The following UBXN10 variants were observed in gnomAD, a reference collection of about 807,000 sequenced individuals.
UBXN10 encodes UBX domain-containing protein 10.
Under a neutral mutation model 6.9 loss-of-function variants are expected in UBXN10, and 6 were observed. The observed-to-expected ratio is 0.87, with a 90% CI of 0.48 to 1.72. The LOEUF is 1.72. Among genes scored for constraint, UBXN10 ranks in the 40% most tolerant of loss-of-function variants. The probability of loss-of-function intolerance (pLI) is 0.01; values close to 1 mark genes in which losing one functional copy is unlikely to be tolerated. For missense variants in UBXN10, 317 were observed against 348.4 expected, an observed-to-expected ratio of 0.91 and a Z score of 0.72; for synonymous variants, 131 against 135.2, an observed-to-expected ratio of 0.97 and a Z score of 0.21.
chr1:20,189,162 G>A (rs1366044490), intron 1 of UBXN10, among the ~76,000 whole-genome samples: 1 of 152,110 alleles, frequency 6.6e-6, no homozygotes, highest in Non-Finnish European at 1.5e-5. Flanking sequence ...CACACTTTGT[G>A]ACACCTGGTC....
chr1:20,191,069 G>A lies in UBXN10; in HGVS notation c.508G>A (p.Val170Met), dbSNP rs200510194. 179 of 1,614,106 alleles carry A rather than the reference G, an allele frequency of 1.1e-4. No individual in the cohort carries two copies. The highest frequency in any genetic ancestry group is 7.4e-4 in the East Asian group (33 of 44,866). The change falls in exon 2 of 2, where the codon GTG (valine) becomes ATG (methionine). Residue 170 changes from valine to methionine, a missense_variant. Physicochemically the swap from Val to Met is conservative, Grantham distance 21. Transcript: ENST00000375099. This position sits in a 1 kb window ranked among gnomAD's most constrained non-coding sequence, Gnocchi z 4.5. ...EEDSRARACA[V>M]ERKFIVRTKK... Reference sequence around the variant, plus strand: ...AGATTCCAGAGCTCGAGCTTGTGCCGTGGAGAGGAAATTCATCGTCCGAAC... The same window carrying A: ...AGATTCCAGAGCTCGAGCTTGTGCCATGGAGAGGAAATTCATCGTCCGAAC...
At chr1:20,183,837 C>G (rs1180527628), upstream of UBXN10, among the ~76,000 whole-genome samples, 1 of 152,182 alleles carries the variant, frequency 6.6e-6, no homozygotes, top group Non-Finnish European at 1.5e-5. Context: ...AGGGAGAGAG[C>G]TGGAGAGTAG....
At position 20,187,125 on chromosome 1, in the gene UBXN10, T is replaced by C. The variant is rs2018413225; in HGVS notation, c.-16+972T>C. ...AGGAGCCCTGCTTTAGCTTCTCCTA[T>C]CCACATTTCCTTCTTTCCAGTTGAT... On this transcript the variant is annotated intron_variant, in intron 1 of 1. Coordinates refer to ENST00000375099, the MANE Select transcript of UBXN10 (RefSeq NM_152376.5). The surrounding 1 kb of genome is among the most constrained non-coding windows in gnomAD (Gnocchi z 4.6). Among the ~76,000 whole-genome samples, 1 of 152,096 alleles carries C rather than the reference T, an allele frequency of 6.6e-6. No individual in the cohort carries two copies. The highest frequency in any genetic ancestry group is 1.5e-5 in the Non-Finnish European group (1 of 68,018).
rs1382606025 is a variant in UBXN10, at chr1:20,195,500, A to G, written c.*4096A>G. 5 of 167,138 alleles carry G rather than the reference A, an allele frequency of 3.0e-5. No homozygotes were observed. The highest frequency in any genetic ancestry group is 5.9e-5 in the Non-Finnish European group (4 of 68,134). 10.4% of individuals were successfully genotyped at this position (167,138 alleles called of 1,614,324 possible). On this transcript the variant is annotated 3_prime_UTR_variant, in exon 2 of 2. Transcript: ENST00000375099. The stretch of plus-strand genomic sequence containing the variant: ...GTCATGAGAGGTGGCCAGATTCTGG[A>G]CATATAATCCATTTTCTTAAGGAGA...
rs765057095 is a variant in UBXN10, at chr1:20,191,034, C to G, written c.473C>G (p.Thr158Arg). The change falls in exon 2 of 2, where the codon ACA becomes AGA. Residue 158 changes from threonine to arginine, a missense_variant. Physicochemically the swap from Thr to Arg is moderately conservative, Grantham distance 71. Transcript: ENST00000375099. The surrounding 1 kb of genome is among the most constrained non-coding windows in gnomAD (Gnocchi z 4.5). The part of the protein sequence containing the change: ...LYQDETGTMK[T>R]SEEDSRARAC... ...CAAGACGAGACGGGCACCATGAAGA[C>G]AAGTGAAGAAGATTCCAGAGCTCGA... 3.1e-6 allele frequency: 5 copies of G among 1,614,102 alleles called. No individual in the cohort carries two copies. The East Asian group carries it at 1.1e-4, about 36-fold the overall frequency.
At chr1:20,185,216 G>C (rs573192123), upstream of UBXN10, among the ~76,000 whole-genome samples, 12 of 152,294 alleles carry the variant, frequency 7.9e-5, no homozygotes, top group East Asian at 9.7e-4. Flanking sequence ...AGGGCTGAGA[G>C]TCTAACTGAG....
upstream of UBXN10, chr1:20,184,591 A>ATCT (rs2018334508): frequency 6.6e-6 from 1 of 152,260 alleles, no homozygotes; most frequent in Non-Finnish European, 1.5e-5. Flanking sequence ...CACTGACATG[A>ATCT]TCTTCTTTCA....
At position 20,195,830 on chromosome 1, in the gene UBXN10, G is replaced by T. The variant is rs1289018060; in HGVS notation, c.*4426G>T. 4 of 166,930 alleles carry T rather than the reference G, an allele frequency of 2.4e-5. No homozygotes were observed. Among genetic ancestry groups the T allele is most frequent in the Non-Finnish European group, 4.4e-5 (3 of 68,088 alleles). 10.3% of individuals were successfully genotyped at this position (166,930 alleles called of 1,614,324 possible). A position where few individuals can be genotyped will look rare whatever the true frequency, so the allele number is the denominator to read the frequency against. Reference sequence around the variant, plus strand: ...GTTAAAAGTATCATCTACCTCTAGGGGTATGATATGACTGCTGACCAAGGT... The same window carrying T: ...GTTAAAAGTATCATCTACCTCTAGGTGTATGATATGACTGCTGACCAAGGT... On this transcript the variant is annotated 3_prime_UTR_variant, in exon 2 of 2. Coordinates refer to ENST00000375099, the MANE Select transcript of UBXN10 (RefSeq NM_152376.5).
At position 20,191,481 on chromosome 1, in the gene UBXN10, C is replaced by G; in HGVS notation, c.*77C>G. ...TGGGCGTTGTGGCCTCTTAGGCAGC[C>G]TGTTTCAAGTGCCATGTGGACCTGG... On this transcript the variant is annotated 3_prime_UTR_variant, in exon 2 of 2. Transcript: ENST00000375099. The surrounding 1 kb of genome is among the most constrained non-coding windows in gnomAD (Gnocchi z 4.5). The G allele has an allele frequency of 6.5e-7, 1 of 1,533,440 alleles. No homozygotes were observed. Among genetic ancestry groups the G allele is most frequent in the Non-Finnish European group, 8.8e-7 (1 of 1,142,378 alleles). The allele number at this position is 1,533,440 out of a possible 1,614,324, so 95.0% of individuals were successfully genotyped here.
At position 20,194,230 on chromosome 1, in the gene UBXN10, A is replaced by G. The variant is rs894588081; in HGVS notation, c.*2826A>G. Reference sequence around the variant, plus strand: ...ATGGAGTAGGAACTTTGCATAGGACAAACCTTCATGATAGGTTACTCTAGT... The same window carrying G: ...ATGGAGTAGGAACTTTGCATAGGACGAACCTTCATGATAGGTTACTCTAGT... On this transcript the variant is annotated 3_prime_UTR_variant, in exon 2 of 2. Transcript: ENST00000375099. 6.0e-6 allele frequency: 1 copy of G among 167,110 alleles called. No homozygotes were observed. Among genetic ancestry groups the G allele is most frequent in the East Asian group, 1.9e-4 (1 of 5,208 alleles). The allele number at this position is 167,110 out of a possible 1,614,324, so 10.4% of individuals were successfully genotyped here.
At position 20,191,151 on chromosome 1, in the gene UBXN10, C is replaced by G; in HGVS notation, c.590C>G (p.Pro197Arg). ...GNLEEPSDQE[P>R]RLLLAVRSPT... ...CTGGAGGAACCATCGGACCAAGAAC[C>G]AAGGTTGCTGCTTGCTGTTAGATCA... Residue 197 changes from proline (P) to arginine (R), a missense_variant, in exon 2 of 2, where the codon CCA becomes CGA. By Grantham distance (103) the Pro-to-Arg change is moderately radical (BLOSUM62 -2). Coordinates refer to ENST00000375099, the MANE Select transcript of UBXN10 (RefSeq NM_152376.5). The surrounding 1 kb of genome is among the most constrained non-coding windows in gnomAD (Gnocchi z 4.5). The G allele has an allele frequency of 6.2e-7, 1 of 1,614,194 alleles. No individual in the cohort carries two copies. The highest frequency in any genetic ancestry group is 1.1e-5 in the South Asian group (1 of 91,082).
At position 20,191,369 on chromosome 1, in the gene UBXN10, G is replaced by A. The variant is rs1166423957; in HGVS notation, c.808G>A (p.Gly270Ser). ...CAGAATCCCCCACAAGTCTGTGCTG[G>A]GCATCTCACTGGAAGATGGGGAAGG... is the stretch of plus-strand genomic sequence containing the variant. ...ECRIPHKSVLGISLEDGEGWP is the reference protein window; with the variant it reads ...ECRIPHKSVLSISLEDGEGWP The change falls in exon 2 of 2, where the codon GGC becomes AGC. Residue 270 changes from glycine (G) to serine (S), a missense_variant. Transcript: ENST00000375099. The surrounding 1 kb of genome is among the most constrained non-coding windows in gnomAD (Gnocchi z 4.5). 2.5e-6 allele frequency: 4 copies of A among 1,612,142 alleles called. No individual in the cohort carries two copies. The South Asian group carries it at 4.4e-5, about 18-fold the overall frequency.
rs995176341 is a variant in UBXN10, at chr1:20,190,613, G to A, written c.52G>A (p.Val18Ile). ...NIAPPECSTV[V>I]STAVDSLIWQ... ...AGCACCACCTGAGTGTAGCACTGTT[G>A]TCAGCACAGCAGTTGACAGCCTCAT... is the stretch of plus-strand genomic sequence containing the variant. The change falls in exon 2 of 2, where the codon GTC (valine) becomes ATC (isoleucine). Residue 18 changes from valine to isoleucine, a missense_variant. Physicochemically the swap from Val to Ile is conservative, Grantham distance 29 (BLOSUM62 3). Transcript: ENST00000375099. 2 of 1,614,020 alleles carry A rather than the reference G, an allele frequency of 1.2e-6. No homozygotes were observed. The highest frequency in any genetic ancestry group is 1.7e-6 in the Non-Finnish European group (2 of 1,180,034).
chr1:20,183,369 G>A (rs1307631856), upstream of UBXN10, among the ~76,000 whole-genome samples: 2 of 152,224 alleles, frequency 1.3e-5, no homozygotes, highest in Non-Finnish European at 2.9e-5. Flanking sequence ...GCACAGATAA[G>A]GGCCATGGGG....
Position 20,190,982 on chromosome 1 carries a change from C to A in UBXN10, c.421C>A (p.Gln141Lys). 5.0e-6 allele frequency: 8 copies of A among 1,614,160 alleles called. No homozygotes were observed. The highest frequency in any genetic ancestry group is 6.8e-6 in the Non-Finnish European group (8 of 1,180,038). Residue 141 changes from glutamine to lysine, a missense_variant, in exon 2 of 2, where the codon CAA becomes AAA. By Grantham distance (53) the Gln-to-Lys change is moderately conservative. Transcript: ENST00000375099. ...ETVAKKASSL[Q>K]LSSIRALYQD... is the part of the protein sequence containing the mutation. The stretch of plus-strand genomic sequence containing the variant: ...CGTTGCCAAAAAGGCCAGCTCACTG[C>A]AACTGAGCAGTATCCGGGCTCTTTA...
Position 20,191,681 on chromosome 1 carries a change from C to G in UBXN10, c.*277C>G. 2.5e-6 allele frequency: 1 copy of G among 397,496 alleles called. No homozygotes were observed. The highest frequency in any genetic ancestry group is 4.7e-6 in the Non-Finnish European group (1 of 214,692). The allele number at this position is 397,496 out of a possible 1,614,324, so 24.6% of individuals were successfully genotyped here. Reference sequence around the variant, plus strand: ...CCTGAAACAGCAGTGATCATGACTTCTCCTTTCCAGAGTTTTGGGTCCTTC... The same window carrying G: ...CCTGAAACAGCAGTGATCATGACTTGTCCTTTCCAGAGTTTTGGGTCCTTC... On this transcript the variant is annotated 3_prime_UTR_variant, in exon 2 of 2. Transcript: ENST00000375099. This position sits in a 1 kb window ranked among gnomAD's most constrained non-coding sequence, Gnocchi z 4.5.
chr1:20,183,702 G>A (rs1332738954), upstream of UBXN10, among the ~76,000 whole-genome samples: 1 of 152,186 alleles, frequency 6.6e-6, no homozygotes, highest in Non-Finnish European at 1.5e-5. Flanking sequence ...CTTTTAAGAT[G>A]GGCCTTGAAG....
chr1:20,184,684 G>A (rs1020840877), upstream of UBXN10: 3 of 152,484 alleles, frequency 2.0e-5, no homozygotes, highest in African/African-American at 7.2e-5. Flanking sequence ...GGAAGTGTAG[G>A]CAGGCAAGTT....
chr1:20,185,120 G>A (rs72663012), upstream of UBXN10, among the ~76,000 whole-genome samples: 4,523 of 152,188 alleles, frequency 0.03, 92 homozygotes, highest in Non-Finnish European at 0.044. Context: ...TGGGTGAAGG[G>A]GCGAGACCCT....
Sources: gnomAD v4.1 joint callset for allele counts (sites outside exome capture counted in the v4.1 genomes callset) on GRCh38, gnomAD v4.1.1 for gene constraint, Gnocchi (gnomAD v3.1) non-coding constraint, MANE v1.5 for transcripts, NCBI Gene and HGNC (gene_info 2026-07-23, HGNC 2026-07-21) for gene names.